Variants in NODAL observed in about 807,000 individuals in gnomAD.
NODAL encodes nodal homolog.
In NODAL, 12 loss-of-function variants were observed where a neutral mutation model predicts 34.0. That is an observed-to-expected ratio of 0.35 (90% CI 0.23 to 0.57). NODAL has a LOEUF of 0.57. NODAL is among the 20% of genes least tolerant of loss of function. The pLI, the probability that NODAL is intolerant of heterozygous loss-of-function variation, is 0.83. For missense variants in NODAL, 390 were observed against 444.2 expected, an observed-to-expected ratio of 0.88 and a Z score of 1.10; for synonymous variants, 162 against 186.4, an observed-to-expected ratio of 0.87 and a Z score of 1.07.
upstream of NODAL, among the ~76,000 whole-genome samples, chr10:70,441,864 G>A (rs1052502105): frequency 6.6e-6 from 1 of 152,196 alleles, no homozygotes; most frequent in African/African-American, 2.4e-5. Context: ...CCGCAAAGCT[G>A]GCGGAGGACC....
intron 1 of NODAL, 129 bp downstream of exon 1, chr10:70,441,346 G>T: frequency 2.0e-6 from 2 of 1,008,284 alleles, no homozygotes; most frequent in Non-Finnish European, 1.4e-6. Flanking sequence ...GGCTCGGGAC[G>T]CCCGGGCGGC....
intron 2 of NODAL, 81 bp downstream of exon 2, chr10:70,435,205 A>T: frequency 8.2e-7 from 1 of 1,213,936 alleles, no homozygotes; most frequent in Non-Finnish European, 1.2e-6. Context: ...ACAGGAACAT[A>T]GTCATTTAAT....
Position 70,435,670 on chromosome 10 carries a change from C to T in NODAL, c.507G>A (p.Leu169=), listed in dbSNP as rs1425320292. ...CAGCTACCCTGGACATCTGCTTCTC[C>T]AGGGCCCCAGGGTGCTTCAGCCACT... ...LSKWLKHPGA[L]EKQMSRVAGE... is the part of the protein sequence containing the mutation. Residue 169 remains leucine (L), a synonymous_variant, in exon 2 of 3, where the codon CTG becomes CTA. Transcript: ENST00000287139. 6.2e-7 allele frequency: 1 copy of T among 1,614,122 alleles called. No homozygotes were observed. The highest frequency in any genetic ancestry group is 1.1e-5 in the South Asian group (1 of 91,082).
At position 70,432,545 on chromosome 10, in the gene NODAL, A is replaced by C; in HGVS notation, c.*391T>G. On this transcript the variant is annotated 3_prime_UTR_variant, in exon 3 of 3. Transcript: ENST00000287139. Reference sequence around the variant, plus strand: ...CTACTTTGGAGAATACATGAAAGCTATAGGTGACTTCATCCCACCTCCAAA... The same window carrying C: ...CTACTTTGGAGAATACATGAAAGCTCTAGGTGACTTCATCCCACCTCCAAA... 3.0e-6 allele frequency: 1 copy of C among 338,364 alleles called. No individual in the cohort carries two copies. The highest frequency in any genetic ancestry group is 2.5e-5 in the South Asian group (1 of 40,606). The allele number at this position is 338,364 out of a possible 1,614,324, so 21.0% of individuals were successfully genotyped here.
At chr10:70,434,330 TAGTGGCACCA>T (rs1268585573) in intron 2 of NODAL, among the ~76,000 whole-genome samples, 4 of 152,208 alleles carry the variant, frequency 2.6e-5, no homozygotes, top group African/African-American at 9.6e-5. Flanking sequence ...TTAGGCTGAC[TAGTGGCACCA>T]AGTGGCAGCC....
Position 70,441,599 on chromosome 10 carries a change from C to G in NODAL, c.69G>C (p.Thr23=), listed in dbSNP as rs986200530. Residue 23 remains threonine (T), a synonymous_variant, in exon 1 of 3, where the codon ACG becomes ACC. Coordinates refer to ENST00000287139, the MANE Select transcript of NODAL (RefSeq NM_018055.5). Reference sequence around the variant, plus strand: ...GCGTACGCAGGAGCGCAGTGGCCACCGTCGCAGCACCCGCCTGGAGTAGGG... The same window carrying G: ...GCGTACGCAGGAGCGCAGTGGCCACGGTCGCAGCACCCGCCTGGAGTAGGG... ...WWALLQAGAA[T]VATALLRTRG... 1.3e-6 allele frequency: 2 copies of G among 1,556,500 alleles called. No homozygotes were observed. The highest frequency in any genetic ancestry group is 1.4e-5 in the African/African-American group (1 of 73,442).
At chr10:70,436,717 C>T (rs1462227043) in intron 1 of NODAL, among the ~76,000 whole-genome samples, 1 of 152,032 alleles carries the variant, frequency 6.6e-6, no homozygotes, top group Non-Finnish European at 1.5e-5. Flanking sequence ...TTTTGGCAAC[C>T]TTACAAATAG....
At chr10:70,439,281 C>T (rs891284231) in intron 1 of NODAL, among the ~76,000 whole-genome samples, 3 of 151,948 alleles carry the variant, frequency 2.0e-5, no homozygotes, top group Admixed American at 6.6e-5. Flanking sequence ...GGGTTACAGG[C>T]GTAAGCCACT....
chr10:70,443,933 CT>C (rs560719151), upstream of NODAL, among the ~76,000 whole-genome samples: 440 of 143,776 alleles, frequency 3.1e-3, 13 homozygotes, highest in Non-Finnish European at 3.4e-3. Flanking sequence ...GTTGACTCCC[CT>C]TTTTTTTTTT....
rs758165167 is a variant in NODAL, at chr10:70,432,932, G to A, written c.*4C>T. ...GGCAAATCCAGTCTCCCTCCAGGAT[G>A]TCATCAGAGGCACCCACATTCTTCC... On this transcript the variant is annotated 3_prime_UTR_variant, in exon 3 of 3. Coordinates refer to ENST00000287139, the MANE Select transcript of NODAL (RefSeq NM_018055.5). The A allele has an allele frequency of 3.1e-6, 5 of 1,613,982 alleles. No individual in the cohort carries two copies. The highest frequency in any genetic ancestry group is 4.2e-6 in the Non-Finnish European group (5 of 1,180,000).
upstream of NODAL, among the ~76,000 whole-genome samples, chr10:70,445,343 C>T (rs541741696): frequency 1.1e-4 from 16 of 152,250 alleles, no homozygotes; most frequent in East Asian, 1.9e-3. Context: ...CTGCAAACTC[C>T]GCCTCCTGGG....
intron 2 of NODAL, 117 bp downstream of exon 2, chr10:70,435,169 T>C (rs1035062961): frequency 5.6e-6 from 5 of 886,920 alleles, no homozygotes; most frequent in East Asian, 2.6e-5. Flanking sequence ...TCCTGGTACA[T>C]TGGAGGTGCT....
At chr10:70,440,549 GC>G (rs1396896797) in intron 1 of NODAL, among the ~76,000 whole-genome samples, 1 of 152,120 alleles carries the variant, frequency 6.6e-6, no homozygotes, top group African/African-American at 2.4e-5. Flanking sequence ...GGGCCGTCTG[GC>G]CCCCGCAGGC....
chr10:70,445,538 A>G (rs981246950), upstream of NODAL, among the ~76,000 whole-genome samples: 3 of 152,234 alleles, frequency 2.0e-5, no homozygotes, highest in East Asian at 1.9e-4. Context: ...GATTACAGGC[A>G]TGAGCCACCG....
intron 2 of NODAL, among the ~76,000 whole-genome samples, chr10:70,433,496 C>T (rs943951191): frequency 5.3e-5 from 8 of 151,848 alleles, no homozygotes; most frequent in Admixed American, 6.6e-5. Flanking sequence ...CTCACTGCAT[C>T]CTCAACCTCC....
In NODAL at chr10:70,441,540, T is replaced by G. The variant is rs774448003; in HGVS notation, c.128A>C (p.Tyr43Ser). Residue 43 changes from tyrosine to serine, a missense_variant, in exon 1 of 3, where the codon TAC becomes TCC. Transcript: ENST00000287139. Reference protein sequence around the residue: ...GQPSSPSPLAYMLSLYRDPLP... With the variant: ...GQPSSPSPLASMLSLYRDPLP... The stretch of plus-strand genomic sequence containing the variant: ...CGGGTCGCGGTAGAGGCTCAGCATG[T>G]ACGCCAGAGGGGATGGCGACGAGGG... 1 of 1,594,062 alleles carries G rather than the reference T, an allele frequency of 6.3e-7. No individual in the cohort carries two copies. Among genetic ancestry groups the G allele is most frequent in the African/African-American group, 1.3e-5 (1 of 74,544 alleles).
intron 1 of NODAL, among the ~76,000 whole-genome samples, chr10:70,438,216 C>T (rs1291865056): frequency 6.6e-6 from 1 of 152,154 alleles, no homozygotes; most frequent in East Asian, 1.9e-4. Context: ...ATCGCTTGAA[C>T]CCAGGAGGTG....
At position 70,435,612 on chromosome 10, in the gene NODAL, C is replaced by T; in HGVS notation, c.565G>A (p.Ala189Thr). Residue 189 changes from alanine to threonine, a missense_variant, in exon 2 of 3, where the codon GCC becomes ACC. Coordinates refer to ENST00000287139, the MANE Select transcript of NODAL (RefSeq NM_018055.5). ...ECWPRPPTPP[A>T]TNVLLMLYSN... ...TAGAGCATAAGGAGCACATTGGTGG[C>T]AGGCGGTGTGGGGGGCCGCGGCCAG... The T allele has an allele frequency of 6.2e-7, 1 of 1,613,994 alleles. No homozygotes were observed. Among genetic ancestry groups the T allele is most frequent in the Non-Finnish European group, 8.5e-7 (1 of 1,179,940 alleles).
At chr10:70,444,225 G>A (rs1268917880), upstream of NODAL, among the ~76,000 whole-genome samples, 2 of 151,386 alleles carry the variant, frequency 1.3e-5, no homozygotes, top group African/African-American at 2.4e-5. Flanking sequence ...GAACCACTGC[G>A]CCCGGCCAAA....
Sources: allele counts gnomAD v4.1 joint callset (sites outside exome capture counted in the v4.1 genomes callset), GRCh38; gene constraint gnomAD v4.1.1; transcripts MANE v1.5; gene names NCBI Gene and HGNC (gene_info 2026-07-23, HGNC 2026-07-21).